The following SLC1A1 variants were observed in gnomAD, a reference collection of about 807,000 sequenced individuals.
SLC1A1 encodes excitatory amino acid transporter 3.
A neutral mutation model predicts 53.3 loss-of-function variants in SLC1A1; 43 were observed. The ratio of observed to expected loss-of-function variants is 0.81; its 90% CI spans 0.63 to 1.04. SLC1A1 has a LOEUF of 1.04. SLC1A1 is among the 50% of genes least tolerant of loss of function. SLC1A1 has a pLI of 0.00. For synonymous variants in SLC1A1, 307 were observed against 243.2 expected (o/e 1.26, Z -2.44); for missense variants, 748 against 664.9 (o/e 1.12, Z -1.37).
chr9:4,526,693 T>C (rs1816272293), intron 1 of SLC1A1, among the ~76,000 whole-genome samples: 1 of 152,200 alleles, frequency 6.6e-6, no homozygotes, highest in Non-Finnish European at 1.5e-5. Context: ...AGATTCTGTA[T>C]ACTGAATAGA....
At position 4,566,727 on chromosome 9, in the gene SLC1A1, C is replaced by G. The variant is rs76954247; in HGVS notation, c.483+638C>G. The stretch of plus-strand genomic sequence containing the variant: ...AAAAATATAAAAAATCGTTGTATCC[C>G]CATTGCTGGAGCTCTACAATGCAGT... On this transcript the variant is annotated intron_variant, in intron 5 of 11. Coordinates refer to ENST00000262352, the MANE Select transcript of SLC1A1 (RefSeq NM_004170.6). 5.6e-3 allele frequency among the ~76,000 whole-genome samples: 855 copies of G among 152,202 alleles called. 14 individuals carry two copies. The highest frequency in any genetic ancestry group is 0.019 in the African/African-American group (800 of 41,512).
At chr9:4,562,672 G>GT (rs1819068848) in intron 3 of SLC1A1, among the ~76,000 whole-genome samples, 1 of 152,034 alleles carries the variant, frequency 6.6e-6, no homozygotes, top group Admixed American at 6.5e-5. Flanking sequence ...GTGGTGTTTG[G>GT]TTTTTTGTTC....
chr9:4,582,792 A>C (rs1175521830), intron 10 of SLC1A1, among the ~76,000 whole-genome samples: 1 of 152,156 alleles, frequency 6.6e-6, no homozygotes, highest in Non-Finnish European at 1.5e-5. Flanking sequence ...TCCTTGCATT[A>C]GAGTGATGTG....
chr9:4,496,603 A>G (rs1012286286), intron 1 of SLC1A1, among the ~76,000 whole-genome samples: 1 of 152,146 alleles, frequency 6.6e-6, no homozygotes, highest in East Asian at 1.9e-4. Context: ...ATCATTAAAA[A>G]TAAAAATGCA....
At chr9:4,525,057 A>C (rs1816211068) in intron 1 of SLC1A1, among the ~76,000 whole-genome samples, 1 of 152,130 alleles carries the variant, frequency 6.6e-6, no homozygotes, top group Non-Finnish European at 1.5e-5. Flanking sequence ...TAATAATGGG[A>C]GATAGGGGTC....
chr9:4,523,352 CTTTT>C lies in SLC1A1; in HGVS notation c.92-21207_92-21204del, dbSNP rs554001010. Among the ~76,000 whole-genome samples the C allele has an allele frequency of 6.7e-5, 10 of 148,284 alleles. No individual in the cohort carries two copies. In the East Asian group the frequency reaches 1.8e-3, roughly 26 times the overall value. Reference sequence around the variant, plus strand: ...TTTCAGAAGATACCAAATGCCTTTTCTTTTTTTTTTTCCACATGCCATTTGTTCT... The same window carrying C: ...TTTCAGAAGATACCAAATGCCTTTTCTTTTTTTCCACATGCCATTTGTTCT... On this transcript the variant is annotated intron_variant, in intron 1 of 11. Transcript: ENST00000262352.
chr9:4,544,859 C>T (rs1367143947), intron 2 of SLC1A1, 152 bp downstream of exon 2: 7 of 717,824 alleles, frequency 9.8e-6, no homozygotes, highest in African/African-American at 5.3e-5. Flanking sequence ...ACAATCATGG[C>T]GGAAGGCAAA....
intron 2 of SLC1A1, among the ~76,000 whole-genome samples, chr9:4,548,038 T>A (rs921657326): frequency 1.3e-5 from 2 of 152,204 alleles, no homozygotes; most frequent in South Asian, 4.1e-4. Context: ...AAACATGATC[T>A]GTTCTGCTTT....
intron 1 of SLC1A1, among the ~76,000 whole-genome samples, chr9:4,507,732 G>A (rs992244416): frequency 5.9e-5 from 9 of 152,242 alleles, no homozygotes; most frequent in East Asian, 5.8e-4. Context: ...TTCAGAGTTC[G>A]CCCAGGAGTT....
At chr9:4,525,833 C>G (rs1205390393) in intron 1 of SLC1A1, among the ~76,000 whole-genome samples, 1 of 151,912 alleles carries the variant, frequency 6.6e-6, no homozygotes, top group East Asian at 1.9e-4. Context: ...CCTCCAAGGA[C>G]CCATAGATTT....
chr9:4,521,115 T>C (rs1816054600), intron 1 of SLC1A1, among the ~76,000 whole-genome samples: 2 of 152,234 alleles, frequency 1.3e-5, no homozygotes, highest in African/African-American at 4.8e-5. Context: ...TTTTTAACAA[T>C]TTGGTTGTCT....
intron 2 of SLC1A1, among the ~76,000 whole-genome samples, chr9:4,547,022 C>G (rs865807742): frequency 1.3e-5 from 2 of 152,188 alleles, no homozygotes; most frequent in South Asian, 4.1e-4. Context: ...CGAGGTAAAA[C>G]AGGTTTTAGA....
intron 2 of SLC1A1, among the ~76,000 whole-genome samples, chr9:4,554,586 G>C (rs1049937961): frequency 6.6e-6 from 1 of 152,200 alleles, no homozygotes; most frequent in Non-Finnish European, 1.5e-5. Context: ...CTGTGCAAAG[G>C]CCTTGGGGTG....
intron 2 of SLC1A1, among the ~76,000 whole-genome samples, chr9:4,550,767 G>T (rs1426816973): frequency 6.6e-6 from 1 of 152,188 alleles, no homozygotes; most frequent in African/African-American, 2.4e-5. Context: ...ACAACAGCCA[G>T]ATGTAGAATG....
At chr9:4,499,976 G>C (rs550223203) in intron 1 of SLC1A1, among the ~76,000 whole-genome samples, 1 of 152,206 alleles carries the variant, frequency 6.6e-6, no homozygotes, top group African/African-American at 2.4e-5. Context: ...AGTTGTTAGA[G>C]AGCATGTATG....
chr9:4,511,612 A>G (rs551582510), intron 1 of SLC1A1, among the ~76,000 whole-genome samples: 145 of 147,222 alleles, frequency 9.8e-4, no homozygotes, highest in African/African-American at 3.7e-3. Context: ...ACACTACACT[A>G]CAGCTTATAT....
intron 1 of SLC1A1, among the ~76,000 whole-genome samples, chr9:4,509,511 C>T (rs1820922307): frequency 6.6e-6 from 1 of 150,402 alleles, no homozygotes; most frequent in Non-Finnish European, 1.5e-5. Context: ...AACCAAAAGG[C>T]AGGGCCTATG....
intron 1 of SLC1A1, among the ~76,000 whole-genome samples, chr9:4,542,905 A>G (rs1310420227): frequency 6.6e-6 from 1 of 152,190 alleles, no homozygotes; most frequent in East Asian, 1.9e-4. Flanking sequence ...GGAAATGTTT[A>G]TATGTTTGTT....
rs886063965 is a variant in SLC1A1 at position 4,583,098 on chromosome 9, C to G, written c.1254C>G (p.Thr418=). The G allele has an allele frequency of 2.5e-6, 4 of 1,614,196 alleles. No homozygotes were observed. The highest frequency in any genetic ancestry group is 3.4e-6 in the Non-Finnish European group (4 of 1,180,036). ...AAGVPQAGLV[T]MVIVLSAVGL... is the part of the protein sequence containing the mutation. ...GCGTGCCCCAGGCTGGCCTGGTGAC[C>G]ATGGTGATTGTGCTGAGTGCCGTGG... Residue 418 remains threonine, a synonymous_variant, in exon 11 of 12, where the codon ACC becomes ACG. Transcript: ENST00000262352. The surrounding 1 kb of genome is among the most constrained non-coding windows in gnomAD (Gnocchi z 4.6).
Sources: gnomAD v4.1 joint callset for allele counts (sites outside exome capture counted in the v4.1 genomes callset) on GRCh38, gnomAD v4.1.1 for gene constraint, Gnocchi (gnomAD v3.1) non-coding constraint, MANE v1.5 for transcripts, NCBI Gene and HGNC (gene_info 2026-07-23, HGNC 2026-07-21) for gene names.